The following HMGB1 variants were observed in gnomAD, a reference collection of about 807,000 sequenced individuals.
HMGB1 encodes high mobility group protein B1.
For missense variants in HMGB1, 79 were observed against 253.5 expected (o/e 0.31, Z 4.67); for synonymous variants, 81 against 84.0 (o/e 0.96, Z 0.19).
chr13:30,517,952 A>G (rs1271483612), intron 1 of HMGB1, among the ~76,000 whole-genome samples: 2 of 152,228 alleles, frequency 1.3e-5, no homozygotes, highest in Non-Finnish European at 1.5e-5. Flanking sequence ...TTTGACTTCC[A>G]TCGAGTAACA....
intron 1 of HMGB1, among the ~76,000 whole-genome samples, chr13:30,536,472 T>C (rs77386427): frequency 0.13 from 19,870 of 152,064 alleles, 1,785 homozygotes; most frequent in African/African-American, 0.25. Flanking sequence ...GCTTCAGCCT[T>C]GAGAGTAGCT....
chr13:30,577,290 T>C (rs1428558529), intron 1 of HMGB1, among the ~76,000 whole-genome samples: 1 of 149,076 alleles, frequency 6.7e-6, no homozygotes, highest in Non-Finnish European at 1.5e-5. Flanking sequence ...CAGCAAGCTA[T>C]GATCACACCT....
At chr13:30,492,885 G>A (rs557470458) in intron 1 of HMGB1, among the ~76,000 whole-genome samples, 3 of 151,536 alleles carry the variant, frequency 2.0e-5, no homozygotes, top group African/African-American at 7.3e-5. Context: ...CAGCTACTCA[G>A]GAGCCTGAGG....
At chr13:30,493,865 CT>C (rs1269289845) in intron 1 of HMGB1, among the ~76,000 whole-genome samples, 1 of 151,796 alleles carries the variant, frequency 6.6e-6, no homozygotes, top group East Asian at 1.9e-4. Context: ...GTAATCCCAG[CT>C]GCTCAGGAGG....
chr13:30,532,249 C>T (rs1411676877), intron 1 of HMGB1, among the ~76,000 whole-genome samples: 7 of 148,854 alleles, frequency 4.7e-5, no homozygotes, highest in African/African-American at 1.5e-4. Flanking sequence ...GCAGGAGAAT[C>T]GCTTGAACCC....
chr13:30,476,921 A>G (rs149113139), intron 1 of HMGB1, among the ~76,000 whole-genome samples: 19 of 152,076 alleles, frequency 1.2e-4, no homozygotes, highest in African/African-American at 4.1e-4. Flanking sequence ...TAAGGCCAGG[A>G]TGCTTATCTG....
At chr13:30,568,568 C>T (rs1870291825) in intron 1 of HMGB1, among the ~76,000 whole-genome samples, 1 of 152,086 alleles carries the variant, frequency 6.6e-6, no homozygotes, top group Non-Finnish European at 1.5e-5. Flanking sequence ...ATAAGATCAT[C>T]CTGATTTAGG....
chr13:30,551,479 A>G (rs918825853), intron 1 of HMGB1, among the ~76,000 whole-genome samples: 8 of 152,216 alleles, frequency 5.3e-5, no homozygotes, highest in Non-Finnish European at 1.0e-4. Flanking sequence ...CCATAACATA[A>G]AAACTAAACT....
chr13:30,481,081 G>C (rs1035769853), intron 1 of HMGB1, among the ~76,000 whole-genome samples: 3 of 151,610 alleles, frequency 2.0e-5, no homozygotes, highest in African/African-American at 7.3e-5. Flanking sequence ...AGAAATAAAT[G>C]TAAACTTGCA....
chr13:30,489,010 A>C (rs1221648657), intron 1 of HMGB1, among the ~76,000 whole-genome samples: 1 of 152,206 alleles, frequency 6.6e-6, no homozygotes, highest in Admixed American at 6.5e-5. Flanking sequence ...TCAGCACAGC[A>C]AGCATTCAGA....
intron 1 of HMGB1, chr13:30,465,208 CGCG>C (rs1886693657): frequency 1.2e-5 from 9 of 767,852 alleles, no homozygotes; most frequent in Non-Finnish European, 1.4e-5. Context: ...CCGCCGCCGC[CGCG>C]ACCGGGCCGA....
chr13:30,491,824 A>G (rs1428710679), intron 1 of HMGB1, among the ~76,000 whole-genome samples: 2 of 152,224 alleles, frequency 1.3e-5, no homozygotes, highest in Non-Finnish European at 2.9e-5. Context: ...CTTTCACAAA[A>G]GAGAAAACTG....
At chr13:30,530,411 TA>T (rs1226907914) in intron 1 of HMGB1, among the ~76,000 whole-genome samples, 2 of 152,164 alleles carry the variant, frequency 1.3e-5, no homozygotes, top group Non-Finnish European at 2.9e-5. Context: ...CTTGTGCAGG[TA>T]AAAGTGTGTA....
intron 4 of HMGB1, 143 bp from the exon 5 acceptor site, chr13:30,461,676 G>C: frequency 6.3e-7 from 1 of 1,580,532 alleles, no homozygotes; most frequent in Non-Finnish European, 8.6e-7. Flanking sequence ...AGCAACTCCA[G>C]AAATAACTAG....
chr13:30,564,278 C>CAAA (rs60208654), intron 1 of HMGB1, among the ~76,000 whole-genome samples: 91 of 105,834 alleles, frequency 8.6e-4, no homozygotes, highest in African/African-American at 2.3e-3. Context: ...ACTAAAAATG[C>CAAA]AAAAAAAAAA....
chr13:30,497,278 G>A (rs1593275857), intron 1 of HMGB1, among the ~76,000 whole-genome samples: 4 of 152,128 alleles, frequency 2.6e-5, no homozygotes, highest in African/African-American at 9.7e-5. Flanking sequence ...CCGGGCTTGA[G>A]TACAGTGGTG....
In HMGB1 at chr13:30,593,909, GA is replaced by G. The variant is rs531416004; in HGVS notation, c.-15+22761del. On this transcript the variant is annotated intron_variant, in intron 1 of 4. Transcript: ENST00000405805. ...TGAAGGAGACTAAAGTTAAATGCAA[GA>G]AAGGAAAAAATGGCATATAGGACAG... Among the ~76,000 whole-genome samples the G allele has an allele frequency of 3.3e-5, 5 of 152,244 alleles. No homozygotes were observed. The South Asian group carries it at 6.2e-4, about 19-fold the overall frequency.
At chr13:30,556,316 A>G (rs1869685270) in intron 1 of HMGB1, among the ~76,000 whole-genome samples, 2 of 152,340 alleles carry the variant, frequency 1.3e-5, no homozygotes, top group South Asian at 2.1e-4. Context: ...AGGCAGGAGA[A>G]TTGCTTGAGC....
intron 1 of HMGB1, among the ~76,000 whole-genome samples, chr13:30,484,469 C>A (rs1887313435): frequency 6.6e-6 from 1 of 152,246 alleles, no homozygotes; most frequent in African/African-American, 2.4e-5. Context: ...GAAGTAGGAT[C>A]TTCACCACGT....
Sources: gnomAD v4.1 joint callset for allele counts (sites outside exome capture counted in the v4.1 genomes callset) on GRCh38, gnomAD v4.1.1 for gene constraint, MANE v1.5 for transcripts, NCBI Gene and HGNC (gene_info 2026-07-23, HGNC 2026-07-21) for gene names.